The following CTIF variants were observed in gnomAD, a reference collection of about 807,000 sequenced individuals.
The protein encoded by CTIF is cap binding complex dependent translation initiation factor, also known as CBP80/20-dependent translation initiation factor.
In CTIF, 21 loss-of-function variants were observed where a neutral mutation model predicts 66.0. That is an observed-to-expected ratio of 0.32 (90% CI 0.23 to 0.46). The LOEUF (loss-of-function observed/expected upper bound fraction) is 0.46. CTIF is among the 20% of genes least tolerant of loss of function. The probability of loss-of-function intolerance (pLI) is 1.00; values close to 1 mark genes in which losing one functional copy is unlikely to be tolerated. For missense variants in CTIF, 739 were observed against 812.7 expected (o/e 0.91, Z 1.10); for synonymous variants, 345 against 326.4 (o/e 1.06, Z -0.62).
chr18:48,636,301 T>C (rs1317671188), intron 2 of CTIF, among the ~76,000 whole-genome samples: 1 of 152,224 alleles, frequency 6.6e-6, no homozygotes, highest in Non-Finnish European at 1.5e-5. Flanking sequence ...TGGTGCTGGT[T>C]GTACCAAACT....
At chr18:48,830,070 G>A (rs2068658776) in intron 10 of CTIF, among the ~76,000 whole-genome samples, 1 of 152,228 alleles carries the variant, frequency 6.6e-6, no homozygotes, top group African/African-American at 2.4e-5. Context: ...AGGAAGAGGA[G>A]GGGAATGCTA....
intron 9 of CTIF, among the ~76,000 whole-genome samples, chr18:48,800,004 G>C (rs771677486): frequency 1.3e-5 from 2 of 152,262 alleles, no homozygotes; most frequent in Non-Finnish European, 2.9e-5. Context: ...ACTTAGAGAA[G>C]GCAGAGGGCC....
At chr18:48,807,181 G>A (rs1205925091) in intron 9 of CTIF, among the ~76,000 whole-genome samples, 3 of 152,266 alleles carry the variant, frequency 2.0e-5, no homozygotes, top group Middle Eastern at 3.4e-3. Context: ...GCCTCTGGGC[G>A]GGGCATGTTC....
At chr18:48,704,630 G>A (rs2092127252) in intron 6 of CTIF, among the ~76,000 whole-genome samples, 1 of 152,196 alleles carries the variant, frequency 6.6e-6, no homozygotes, top group African/African-American at 2.4e-5. Flanking sequence ...CCAGCTTCTA[G>A]TAGCCCCTCA....
At chr18:48,561,217 G>A (rs936817024) in intron 1 of CTIF, among the ~76,000 whole-genome samples, 5 of 120,438 alleles carry the variant, frequency 4.2e-5, no homozygotes, top group Admixed American at 1.1e-4. Context: ...CAGCTTGGGC[G>A]ACAGTGAGAC....
At chr18:48,760,587 T>C (rs1399563310) in intron 8 of CTIF, 2 of 152,168 alleles carry the variant, frequency 1.3e-5, no homozygotes, top group East Asian at 3.8e-4. Flanking sequence ...GACCCTGCCC[T>C]TCCAGCCAGA....
chr18:48,733,943 G>A (rs935708435), intron 7 of CTIF, among the ~76,000 whole-genome samples: 5 of 152,246 alleles, frequency 3.3e-5, no homozygotes, highest in South Asian at 4.1e-4. Flanking sequence ...ATTTCAGCAG[G>A]GGTCTTCATT....
chr18:48,818,958 A>G (rs79372479), intron 10 of CTIF, among the ~76,000 whole-genome samples: 2 of 152,130 alleles, frequency 1.3e-5, no homozygotes, highest in Non-Finnish European at 1.5e-5. Flanking sequence ...GGGCATCTTT[A>G]TGGTTTTGAA....
chr18:48,614,232 G>T (rs111241243), intron 1 of CTIF, among the ~76,000 whole-genome samples: 1 of 152,124 alleles, frequency 6.6e-6, no homozygotes, highest in Non-Finnish European at 1.5e-5. Context: ...GCTCAGGCAG[G>T]AAGGCAGCAA....
chr18:48,729,329 A>T (rs2092416180), intron 7 of CTIF, among the ~76,000 whole-genome samples: 1 of 152,130 alleles, frequency 6.6e-6, no homozygotes, highest in Non-Finnish European at 1.5e-5. Context: ...ATTTTCCCTT[A>T]AACTCTATAA....
chr18:48,783,594 C>A (rs866729048), intron 9 of CTIF, among the ~76,000 whole-genome samples: 5 of 152,118 alleles, frequency 3.3e-5, no homozygotes, highest in Admixed American at 2.0e-4. Context: ...GGGGAGGCCT[C>A]CGACCCTGGG....
At chr18:48,690,220 G>T (rs533975921) in intron 6 of CTIF, among the ~76,000 whole-genome samples, 1 of 151,870 alleles carries the variant, frequency 6.6e-6, no homozygotes, top group Non-Finnish European at 1.5e-5. Flanking sequence ...TTATTTGGGC[G>T]TTTACAGACT....
chr18:48,657,170 A>C (rs1199722100), intron 3 of CTIF, among the ~76,000 whole-genome samples: 1 of 152,248 alleles, frequency 6.6e-6, no homozygotes, highest in Non-Finnish European at 1.5e-5. Flanking sequence ...ATGAAAAGGA[A>C]GAGTGAGGTA....
At chr18:48,619,441 G>A in intron 1 of CTIF, 97 bp from the exon 2 acceptor site, 1 of 767,666 alleles carries the variant, frequency 1.3e-6, no homozygotes, top group South Asian at 3.0e-5. Context: ...TGATGGATAA[G>A]AAGATGCTTC....
At chr18:48,628,234 T>C (rs2090637633) in intron 2 of CTIF, among the ~76,000 whole-genome samples, 1 of 152,124 alleles carries the variant, frequency 6.6e-6, no homozygotes, top group South Asian at 2.1e-4. Context: ...TAAGATAGTA[T>C]TAGTCACCTT....
intron 7 of CTIF, among the ~76,000 whole-genome samples, chr18:48,749,188 A>G (rs1158463883): frequency 6.6e-6 from 1 of 152,204 alleles, no homozygotes; most frequent in Non-Finnish European, 1.5e-5. Context: ...AGCAACTTCC[A>G]GGTCAATCAA....
chr18:48,581,256 C>T (rs998173850), intron 1 of CTIF, among the ~76,000 whole-genome samples: 3 of 151,638 alleles, frequency 2.0e-5, no homozygotes, highest in Non-Finnish European at 4.4e-5. Context: ...TGTTAGATTC[C>T]TGAGACGTAC....
At chr18:48,635,524 T>G (rs2090803138) in intron 2 of CTIF, among the ~76,000 whole-genome samples, 1 of 151,940 alleles carries the variant, frequency 6.6e-6, no homozygotes, top group Admixed American at 6.6e-5. Context: ...ACAAGGTGTC[T>G]CTATGTTGCC....
At chr18:48,736,106 C>T (rs992523971) in intron 7 of CTIF, among the ~76,000 whole-genome samples, 8 of 152,172 alleles carry the variant, frequency 5.3e-5, no homozygotes, top group African/African-American at 7.2e-5. Context: ...CCTCTGGGTG[C>T]GAGCATTCAG....
Sources: gnomAD v4.1 joint callset for allele counts (sites outside exome capture counted in the v4.1 genomes callset) on GRCh38, gnomAD v4.1.1 for gene constraint, MANE v1.5 for transcripts, NCBI Gene and HGNC (gene_info 2026-07-23, HGNC 2026-07-21) for gene names.